Variants in PPP3CA observed in about 807,000 individuals in gnomAD.
PPP3CA encodes protein phosphatase 3 catalytic subunit alpha, also known as CAM-PRP catalytic subunit.
In PPP3CA, 14 loss-of-function variants were observed where a neutral mutation model predicts 66.5. That is an observed-to-expected ratio of 0.21 (90% CI 0.14 to 0.33). PPP3CA has a LOEUF of 0.33. Ranked by LOEUF, PPP3CA falls within the 10% of genes least tolerant of loss-of-function variation. PPP3CA has a pLI of 1.00. For synonymous variants in PPP3CA, 232 were observed against 226.2 expected (o/e 1.03, Z -0.23); for missense variants, 317 against 639.5 (o/e 0.50, Z 5.44).
chr4:101,142,102 T>C (rs1482008609), intron 2 of PPP3CA, among the ~76,000 whole-genome samples: 1 of 151,340 alleles, frequency 6.6e-6, no homozygotes, highest in African/African-American at 2.4e-5. Context: ...AATTATCTGT[T>C]TGGATAAAAA....
chr4:101,275,763 C>T (rs75433340), intron 1 of PPP3CA, among the ~76,000 whole-genome samples: 1,937 of 151,860 alleles, frequency 0.013, 33 homozygotes, highest in African/African-American at 0.043. Flanking sequence ...ATCTTCTTGG[C>T]TGGAAGCTTG....
Position 101,124,138 on chromosome 4 carries a change from C to G in PPP3CA, c.260-15060G>C, listed in dbSNP as rs564530402. On this transcript the variant is annotated intron_variant, in intron 2 of 13. Coordinates refer to ENST00000394854, the MANE Select transcript of PPP3CA (RefSeq NM_000944.5). ...GAGTTTTGTATATCTTATTTTCTAT[C>G]TTGCCTTCTTTAATTGAATGCTAGG... Among the ~76,000 whole-genome samples, 11 of 152,202 alleles carry G rather than the reference C, an allele frequency of 7.2e-5. No individual in the cohort carries two copies. In the South Asian group the frequency reaches 2.3e-3, roughly 32 times the overall value.
At chr4:101,314,280 T>C (rs1477764189) in intron 1 of PPP3CA, among the ~76,000 whole-genome samples, 1 of 152,122 alleles carries the variant, frequency 6.6e-6, no homozygotes, top group Non-Finnish European at 1.5e-5. Flanking sequence ...ATTATCAAAT[T>C]TCAATTAAGA....
At chr4:101,160,215 T>C (rs1162750936) in intron 2 of PPP3CA, among the ~76,000 whole-genome samples, 2 of 152,146 alleles carry the variant, frequency 1.3e-5, no homozygotes, top group Non-Finnish European at 2.9e-5. Flanking sequence ...ACTGCAATGA[T>C]GAAGTCGCTA....
intron 10 of PPP3CA, among the ~76,000 whole-genome samples, chr4:101,045,166 T>C (rs1022015035): frequency 6.6e-6 from 1 of 152,250 alleles, no homozygotes. Flanking sequence ...TTGTGACTCC[T>C]TTACTATACA....
chr4:101,210,162 T>C (rs1476775490), intron 1 of PPP3CA, among the ~76,000 whole-genome samples: 1 of 152,132 alleles, frequency 6.6e-6, no homozygotes, highest in Non-Finnish European at 1.5e-5. Context: ...TCTAGTCTGG[T>C]TCCTCAGTTA....
intron 5 of PPP3CA, among the ~76,000 whole-genome samples, chr4:101,094,192 T>C (rs999137696): frequency 1.3e-5 from 2 of 152,176 alleles, no homozygotes; most frequent in African/African-American, 4.8e-5. Flanking sequence ...CTATTATCTC[T>C]AGATTTCGCA....
chr4:101,194,836 G>T (rs1014808716), intron 2 of PPP3CA, among the ~76,000 whole-genome samples: 4 of 151,800 alleles, frequency 2.6e-5, no homozygotes, highest in African/African-American at 9.7e-5. Context: ...CAAAGTGCTG[G>T]GATTATAAGA....
chr4:101,263,790 A>C (rs1159166586), intron 1 of PPP3CA, among the ~76,000 whole-genome samples: 1 of 152,156 alleles, frequency 6.6e-6, no homozygotes, highest in Non-Finnish European at 1.5e-5. Flanking sequence ...CCACATTATC[A>C]TCTAACCCAT....
chr4:101,051,999 C>T (rs993081509), intron 10 of PPP3CA, among the ~76,000 whole-genome samples: 1 of 152,010 alleles, frequency 6.6e-6, no homozygotes, highest in Admixed American at 6.6e-5. Context: ...ATTATCCAGC[C>T]AATTAGCTGC....
At chr4:101,287,879 T>C (rs1052807618) in intron 1 of PPP3CA, among the ~76,000 whole-genome samples, 1 of 152,132 alleles carries the variant, frequency 6.6e-6, no homozygotes, top group Non-Finnish European at 1.5e-5. Flanking sequence ...ACTTAAGTTC[T>C]GTGCAAACTC....
intron 10 of PPP3CA, 24 bp from the exon 11 acceptor site, chr4:101,040,590 T>G (rs751467772): frequency 7.6e-6 from 12 of 1,575,126 alleles, no homozygotes; most frequent in Non-Finnish European, 1.0e-5. Flanking sequence ...CAGAGTTCAG[T>G]GGTCAGTAAT....
intron 6 of PPP3CA, among the ~76,000 whole-genome samples, chr4:101,089,971 C>T (rs771887765): frequency 3.3e-5 from 5 of 152,122 alleles, no homozygotes; most frequent in Non-Finnish European, 5.9e-5. Context: ...GATAGGCTGG[C>T]ATAGCAAAGT....
chr4:101,157,262 A>G (rs1393637158), intron 2 of PPP3CA, among the ~76,000 whole-genome samples: 1 of 152,210 alleles, frequency 6.6e-6, no homozygotes, highest in African/African-American at 2.4e-5. Flanking sequence ...GTGTAGAAAT[A>G]AACAATGAAT....
At chr4:101,277,240 T>A (rs751051466) in intron 1 of PPP3CA, among the ~76,000 whole-genome samples, 3 of 152,176 alleles carry the variant, frequency 2.0e-5, no homozygotes, top group Non-Finnish European at 4.4e-5. Context: ...GTACCTCATT[T>A]CTTTATATCT....
chr4:101,226,003 C>A (rs1395274570), intron 1 of PPP3CA, among the ~76,000 whole-genome samples: 1 of 151,732 alleles, frequency 6.6e-6, no homozygotes, highest in Middle Eastern at 3.4e-3. Flanking sequence ...AACTGTTACA[C>A]AATATGGTCA....
rs191117147 is a variant in PPP3CA at position 101,120,465 on chromosome 4, T to C, written c.260-11387A>G. ...ACGGGTTTAGGCCTTAGGTCTCCCG[T>C]TGATGTCTGATATGGGCAAATCATT... On this transcript the variant is annotated intron_variant, in intron 2 of 13. Transcript: ENST00000394854. Among the ~76,000 whole-genome samples the C allele has an allele frequency of 4.1e-4, 62 of 152,182 alleles. No individual in the cohort carries two copies. The East Asian group carries it at 8.5e-3, about 21-fold the overall frequency.
intron 1 of PPP3CA, among the ~76,000 whole-genome samples, chr4:101,317,939 G>A (rs1187485645): frequency 5.3e-5 from 8 of 151,966 alleles, no homozygotes; most frequent in Non-Finnish European, 8.8e-5. Context: ...AGTTGCCCTC[G>A]GTATTTAAAA....
At chr4:101,171,442 C>A (rs1723877264) in intron 2 of PPP3CA, among the ~76,000 whole-genome samples, 1 of 151,656 alleles carries the variant, frequency 6.6e-6, no homozygotes, top group Non-Finnish European at 1.5e-5. Flanking sequence ...CGCTACATGA[C>A]AATAGTAATA....
Sources: allele counts gnomAD v4.1 joint callset (sites outside exome capture counted in the v4.1 genomes callset), GRCh38; gene constraint gnomAD v4.1.1; transcripts MANE v1.5; gene names NCBI Gene and HGNC (gene_info 2026-07-23, HGNC 2026-07-21).